Variants in RCAN2 observed in about 807,000 individuals in gnomAD.
RCAN2 encodes the protein regulator of calcineurin 2, also known as calcipressin-2.
RCAN2 carries 9 observed loss-of-function variants against 23.6 expected under a neutral mutation model. The ratio of observed to expected loss-of-function variants is 0.38; its 90% CI spans 0.23 to 0.67. The LOEUF is 0.67. Ranked by LOEUF, RCAN2 falls within the 30% of genes least tolerant of loss-of-function variation. The probability of loss-of-function intolerance (pLI) is 0.51; values close to 1 mark genes in which losing one functional copy is unlikely to be tolerated. For missense variants in RCAN2, 273 were observed against 302.3 expected, an observed-to-expected ratio of 0.90 and a Z score of 0.72; for synonymous variants, 109 against 115.7, an observed-to-expected ratio of 0.94 and a Z score of 0.37.
intron 2 of RCAN2, among the ~76,000 whole-genome samples, chr6:46,268,187 C>T (rs573193566): frequency 2.8e-4 from 43 of 152,286 alleles, no homozygotes; most frequent in South Asian, 8.3e-4. Flanking sequence ...AATTTTTACT[C>T]GCTTCATTAA....
intron 2 of RCAN2, among the ~76,000 whole-genome samples, chr6:46,453,525 A>G (rs568294177): frequency 1.3e-5 from 2 of 152,352 alleles, no homozygotes; most frequent in Admixed American, 1.3e-4. Flanking sequence ...TAGGTGTCAG[A>G]ACTTAGAATG....
intron 2 of RCAN2, among the ~76,000 whole-genome samples, chr6:46,332,906 C>A (rs1764026791): frequency 1.3e-5 from 2 of 152,204 alleles, no homozygotes; most frequent in African/African-American, 4.8e-5. Flanking sequence ...AATGATTGAA[C>A]TAGTTTACAG....
intron 4 of RCAN2, among the ~76,000 whole-genome samples, chr6:46,233,145 G>A (rs916390983): frequency 3.8e-5 from 5 of 133,108 alleles, no homozygotes; most frequent in Admixed American, 1.4e-4. Context: ...ACCAGCTCCC[G>A]TTCATCTTTG....
intron 2 of RCAN2, among the ~76,000 whole-genome samples, chr6:46,315,967 T>C (rs916937303): frequency 1.3e-5 from 2 of 151,412 alleles, no homozygotes; most frequent in Non-Finnish European, 1.5e-5. Context: ...AGACACAGCC[T>C]GAGAAGAACT....
At chr6:46,337,877 T>C (rs1276349679) in intron 2 of RCAN2, among the ~76,000 whole-genome samples, 1 of 152,216 alleles carries the variant, frequency 6.6e-6, no homozygotes, top group African/African-American at 2.4e-5. Context: ...TGAACATGAC[T>C]GTGGCTGGGC....
chr6:46,369,804 C>A (rs1447330571), intron 2 of RCAN2, among the ~76,000 whole-genome samples: 1 of 152,206 alleles, frequency 6.6e-6, no homozygotes, highest in Non-Finnish European at 1.5e-5. Context: ...GAAAACAAAA[C>A]TATGAATCTT....
intron 2 of RCAN2, among the ~76,000 whole-genome samples, chr6:46,284,317 T>C (rs1315093785): frequency 1.3e-5 from 2 of 152,112 alleles, no homozygotes; most frequent in Non-Finnish European, 2.9e-5. Context: ...ACTCTGTGAC[T>C]CCAGGGATGT....
intron 2 of RCAN2, among the ~76,000 whole-genome samples, chr6:46,442,485 A>G (rs1253797523): frequency 6.6e-6 from 1 of 152,234 alleles, no homozygotes; most frequent in Non-Finnish European, 1.5e-5. Context: ...TTCCCCAGGC[A>G]GTATGCCTTA....
chr6:46,262,891 T>C (rs1407631607), intron 2 of RCAN2, among the ~76,000 whole-genome samples: 1 of 152,180 alleles, frequency 6.6e-6, no homozygotes, highest in African/African-American at 2.4e-5. Context: ...GATAACTTTC[T>C]AATTGTCTCT....
intron 1 of RCAN2, among the ~76,000 whole-genome samples, chr6:46,488,488 G>A (rs1399199588): frequency 6.6e-6 from 1 of 152,038 alleles, no homozygotes. Context: ...CCACTTTTGG[G>A]GATAAAGGTA....
chr6:46,478,161 C>T (rs188646678), intron 1 of RCAN2, among the ~76,000 whole-genome samples: 2 of 152,302 alleles, frequency 1.3e-5, no homozygotes, highest in East Asian at 3.9e-4. Context: ...TTGCCCAATA[C>T]TTTAATGATG....
At chr6:46,379,691 T>C (rs539829821) in intron 2 of RCAN2, among the ~76,000 whole-genome samples, 30 of 152,318 alleles carry the variant, frequency 2.0e-4, no homozygotes, top group Admixed American at 2.0e-3. Context: ...TAAGCTCTCT[T>C]CTCTGTTCCT....
At chr6:46,251,211 A>G (rs1353590322) in intron 2 of RCAN2, among the ~76,000 whole-genome samples, 1 of 151,884 alleles carries the variant, frequency 6.6e-6, no homozygotes, top group African/African-American at 2.4e-5. Flanking sequence ...GGATCAGCCA[A>G]CTCCCAGACT....
intron 2 of RCAN2, among the ~76,000 whole-genome samples, chr6:46,343,851 A>G (rs1764406362): frequency 6.6e-6 from 1 of 152,210 alleles, no homozygotes; most frequent in Non-Finnish European, 1.5e-5. Context: ...AATAATATGA[A>G]TGCTCTCCAA....
At chr6:46,318,086 C>T (rs1302314759) in intron 2 of RCAN2, among the ~76,000 whole-genome samples, 1 of 152,202 alleles carries the variant, frequency 6.6e-6, no homozygotes, top group Admixed American at 6.5e-5. Context: ...ATCTCTGGAG[C>T]TTACATTTGT....
intron 2 of RCAN2, among the ~76,000 whole-genome samples, chr6:46,445,533 A>G (rs774996086): frequency 2.0e-5 from 3 of 152,262 alleles, no homozygotes; most frequent in Non-Finnish European, 2.9e-5. Context: ...AAGAATTAGA[A>G]ACAATCAGGG....
At chr6:46,316,976 G>A (rs1369258059) in intron 2 of RCAN2, among the ~76,000 whole-genome samples, 1 of 152,142 alleles carries the variant, frequency 6.6e-6, no homozygotes, top group East Asian at 1.9e-4. Flanking sequence ...GGTTTCCTGT[G>A]AAAAAGCTGA....
chr6:46,480,612 T>TTATCATG (rs1491559149), intron 1 of RCAN2, among the ~76,000 whole-genome samples: 3 of 150,152 alleles, frequency 2.0e-5, no homozygotes, highest in Non-Finnish European at 3.0e-5. Context: ...CTAGACAAAC[T>TTATCATG]TATCATGTAG....
chr6:46,470,815 TA>T (rs1768536621), intron 1 of RCAN2, among the ~76,000 whole-genome samples: 1 of 152,212 alleles, frequency 6.6e-6, no homozygotes, highest in Non-Finnish European at 1.5e-5. Flanking sequence ...ACTGACCACA[TA>T]AACATGGTTT....
Sources: allele counts gnomAD v4.1 joint callset (sites outside exome capture counted in the v4.1 genomes callset), GRCh38; gene constraint gnomAD v4.1.1; transcripts MANE v1.5; gene names NCBI Gene and HGNC (gene_info 2026-07-23, HGNC 2026-07-21).